Variants in EDIL3 observed in about 807,000 individuals in gnomAD.
EDIL3 encodes the protein EGF-like repeat and discoidin I-like domain-containing protein 3.
Under a neutral mutation model 67.4 loss-of-function variants are expected in EDIL3, and 37 were observed. That is an observed-to-expected ratio of 0.55 (90% CI 0.42 to 0.72). EDIL3 has a LOEUF of 0.72. EDIL3 is among the 30% of genes least tolerant of loss of function. The pLI, the probability that EDIL3 is intolerant of heterozygous loss-of-function variation, is 0.00. For missense variants in EDIL3, 527 were observed against 586.3 expected, an observed-to-expected ratio of 0.90 and a Z score of 1.04; for synonymous variants, 195 against 196.3, an observed-to-expected ratio of 0.99 and a Z score of 0.05.
At chr5:84,001,157 C>T (rs1745323304) in intron 9 of EDIL3, among the ~76,000 whole-genome samples, 2 of 152,098 alleles carry the variant, frequency 1.3e-5, no homozygotes, top group Admixed American at 1.3e-4. Flanking sequence ...AGCAATTCTC[C>T]TGCCTCAGCC....
intron 1 of EDIL3, among the ~76,000 whole-genome samples, chr5:84,351,427 G>A (rs1747359764): frequency 6.6e-6 from 1 of 152,042 alleles, no homozygotes; most frequent in South Asian, 2.1e-4. Context: ...CATCTATGTA[G>A]GAAATACATA....
intron 9 of EDIL3, among the ~76,000 whole-genome samples, chr5:84,052,952 G>C (rs1304073846): frequency 1.3e-5 from 2 of 152,176 alleles, no homozygotes; most frequent in Non-Finnish European, 2.9e-5. Context: ...TCTGCACCAA[G>C]TGGACCTAAT....
chr5:84,134,419 A>G (rs1191217248), intron 5 of EDIL3, among the ~76,000 whole-genome samples: 1 of 152,164 alleles, frequency 6.6e-6, no homozygotes, highest in Non-Finnish European at 1.5e-5. Flanking sequence ...TCCAGAAGAA[A>G]GGTTGTCAAT....
At chr5:84,202,407 A>C (rs937093801) in intron 3 of EDIL3, among the ~76,000 whole-genome samples, 1 of 152,202 alleles carries the variant, frequency 6.6e-6, no homozygotes, top group Non-Finnish European at 1.5e-5. Context: ...TAGGAGTGTG[A>C]TGTATTCATT....
At chr5:84,057,751 C>T (rs1475211062) in intron 9 of EDIL3, among the ~76,000 whole-genome samples, 1 of 150,902 alleles carries the variant, frequency 6.6e-6, no homozygotes. Context: ...TATGTTGGCT[C>T]AAACCAATAA....
At chr5:84,025,842 A>G (rs1745800944) in intron 9 of EDIL3, among the ~76,000 whole-genome samples, 1 of 152,238 alleles carries the variant, frequency 6.6e-6, no homozygotes, top group Non-Finnish European at 1.5e-5. Flanking sequence ...TGTACACACA[A>G]GAGTGGGCCT....
chr5:84,062,349 G>C (rs563819305), intron 8 of EDIL3, among the ~76,000 whole-genome samples: 3 of 152,110 alleles, frequency 2.0e-5, no homozygotes, highest in African/African-American at 7.2e-5. Flanking sequence ...CCAAGTCTTT[G>C]AAAACTTTGC....
intron 7 of EDIL3, 126 bp downstream of exon 7, chr5:84,066,325 A>C: frequency 9.1e-7 from 1 of 1,093,392 alleles, no homozygotes; most frequent in Non-Finnish European, 1.2e-6. Context: ...AGCCCAATTA[A>C]AAACAAGACG....
intron 1 of EDIL3, among the ~76,000 whole-genome samples, chr5:84,336,861 C>T (rs549883229): frequency 1.7e-4 from 26 of 151,906 alleles, no homozygotes; most frequent in Admixed American, 4.6e-4. Context: ...TCTTATCTCA[C>T]AACTCTGAGA....
chr5:84,208,362 C>T (rs1365617669), intron 3 of EDIL3, among the ~76,000 whole-genome samples: 1 of 152,126 alleles, frequency 6.6e-6, no homozygotes, highest in Non-Finnish European at 1.5e-5. Context: ...CATCTCACAC[C>T]AGTTACAATG....
intron 1 of EDIL3, among the ~76,000 whole-genome samples, chr5:84,345,547 TC>T (rs1311767265): frequency 5.1e-4 from 77 of 152,222 alleles, no homozygotes; most frequent in African/African-American, 1.8e-3. Context: ...TGAGCTCTCC[TC>T]CAGATGATTT....
At chr5:84,153,293 C>T (rs1044595877) in intron 4 of EDIL3, among the ~76,000 whole-genome samples, 1 of 151,882 alleles carries the variant, frequency 6.6e-6, no homozygotes, top group Non-Finnish European at 1.5e-5. Context: ...TGTTATTATT[C>T]TTTTATTATT....
At chr5:84,092,687 T>G (rs1747188350) in intron 6 of EDIL3, among the ~76,000 whole-genome samples, 1 of 152,264 alleles carries the variant, frequency 6.6e-6, no homozygotes, top group Admixed American at 6.5e-5. Flanking sequence ...AATTTTACAT[T>G]AACAATATTA....
chr5:84,162,996 T>C (rs925055908), intron 4 of EDIL3, among the ~76,000 whole-genome samples: 3 of 152,158 alleles, frequency 2.0e-5, no homozygotes, highest in African/African-American at 7.2e-5. Flanking sequence ...AGTAATAACA[T>C]ACTTAATATC....
intron 5 of EDIL3, among the ~76,000 whole-genome samples, chr5:84,118,259 T>C (rs1747709488): frequency 1.3e-5 from 2 of 152,276 alleles, no homozygotes; most frequent in East Asian, 3.9e-4. Flanking sequence ...CAGGGGGTTA[T>C]GGTAATATAT....
chr5:83,947,404 T>C (rs937455662), intron 10 of EDIL3, among the ~76,000 whole-genome samples: 8 of 147,790 alleles, frequency 5.4e-5, no homozygotes, highest in African/African-American at 9.8e-5. Flanking sequence ...TGTGTGTGTG[T>C]GCAGAGGTGC....
chr5:84,049,540 CT>C (rs557668310), intron 9 of EDIL3, among the ~76,000 whole-genome samples: 149 of 152,234 alleles, frequency 9.8e-4, no homozygotes, highest in Middle Eastern at 3.4e-3. Context: ...TTAAATGTTA[CT>C]TTATTTTTAT....
At chr5:84,343,624 A>G (rs1480901315) in intron 1 of EDIL3, among the ~76,000 whole-genome samples, 9 of 152,110 alleles carry the variant, frequency 5.9e-5, no homozygotes, top group Non-Finnish European at 1.2e-4. Context: ...GAGAAAGCCA[A>G]TCTAACCAAA....
At chr5:84,331,240 G>T (rs994444339) in intron 1 of EDIL3, among the ~76,000 whole-genome samples, 7 of 152,178 alleles carry the variant, frequency 4.6e-5, no homozygotes, top group African/African-American at 1.7e-4. Context: ...AATAAGTTAA[G>T]ACTTTGGGAG....
Sources: allele counts gnomAD v4.1 joint callset (sites outside exome capture counted in the v4.1 genomes callset), GRCh38; gene constraint gnomAD v4.1.1; transcripts MANE v1.5; gene names NCBI Gene and HGNC (gene_info 2026-07-23, HGNC 2026-07-21).